AK8: variants seen among roughly 807,000 people sequenced by gnomAD.
The protein encoded by AK8 is ATP-AMP transphosphorylase 8.
Under a neutral mutation model 54.6 loss-of-function variants are expected in AK8, and 44 were observed. That is an observed-to-expected ratio of 0.81 (90% CI 0.63 to 1.04). The LOEUF is 1.04. Among genes scored for constraint, AK8 ranks in the 50% least tolerant of loss-of-function variants. The pLI, the probability that AK8 is intolerant of heterozygous loss-of-function variation, is 0.00. For synonymous variants in AK8, 239 were observed against 245.6 expected, an observed-to-expected ratio of 0.97 and a Z score of 0.25; for missense variants, 555 against 613.6, an observed-to-expected ratio of 0.90 and a Z score of 1.01.
At chr9:132,833,655 A>G (rs1466599031) in intron 5 of AK8, among the ~76,000 whole-genome samples, 1 of 152,146 alleles carries the variant, frequency 6.6e-6, no homozygotes, top group African/African-American at 2.4e-5. Context: ...GCAGAGCTGG[A>G]GGTCTGCACA....
chr9:132,730,837 G>A (rs1327859233), intron 11 of AK8, among the ~76,000 whole-genome samples: 1 of 152,228 alleles, frequency 6.6e-6, no homozygotes, highest in Admixed American at 6.5e-5. Context: ...ACATCATTAT[G>A]AATCTGAGCC....
At chr9:132,805,972 C>T (rs118027910) in intron 10 of AK8, among the ~76,000 whole-genome samples, 26 of 152,044 alleles carry the variant, frequency 1.7e-4, no homozygotes, top group Non-Finnish European at 2.4e-4. Context: ...AACCTCTAGG[C>T]CACCCTACAG....
intron 11 of AK8, among the ~76,000 whole-genome samples, chr9:132,782,543 G>A (rs1472978548): frequency 6.6e-6 from 1 of 152,110 alleles, no homozygotes; most frequent in African/African-American, 2.4e-5. Context: ...TACAAAATTA[G>A]CTGGGCATGG....
intron 10 of AK8, among the ~76,000 whole-genome samples, chr9:132,814,422 C>G: frequency 6.6e-6 from 1 of 152,092 alleles, no homozygotes. Flanking sequence ...GATAACCCCC[C>G]CACATCCACA....
At position 132,781,800 on chromosome 9, in the gene AK8, T is replaced by C. The variant is rs76383212; in HGVS notation, c.1121+10834A>G. Among the ~76,000 whole-genome samples the C allele has an allele frequency of 1.0e-2, 1,522 of 152,324 alleles. 30 individuals are homozygous for C. The highest frequency in any genetic ancestry group is 0.035 in the African/African-American group (1,439 of 41,562). On this transcript the variant is annotated intron_variant, in intron 11 of 12. Transcript: ENST00000298545. The surrounding 1 kb of genome is among the most constrained non-coding windows in gnomAD (Gnocchi z 4.6). ...ATTACAGTCCTGATAGTCATCCTGGTGCTAGGTGGATTCATTTTAGAATAT... is the reference window on the plus strand; with the variant it reads ...ATTACAGTCCTGATAGTCATCCTGGCGCTAGGTGGATTCATTTTAGAATAT...
intron 11 of AK8, among the ~76,000 whole-genome samples, chr9:132,774,674 G>A (rs181212030): frequency 2.6e-4 from 39 of 152,222 alleles, no homozygotes; most frequent in Non-Finnish European, 2.5e-4. Flanking sequence ...GTGAACGGTC[G>A]AGCATCGCGC....
At chr9:132,827,141 G>A in intron 7 of AK8, 87 bp from the exon 8 acceptor site, 1 of 1,388,430 alleles carries the variant, frequency 7.2e-7, no homozygotes, top group Non-Finnish European at 1.0e-6. Flanking sequence ...TTGCTGTCCT[G>A]GAGGCCAGGC....
At chr9:132,785,530 C>G (rs934066496) in intron 11 of AK8, among the ~76,000 whole-genome samples, 1 of 152,104 alleles carries the variant, frequency 6.6e-6, no homozygotes, top group East Asian at 1.9e-4. Context: ...TCTAAATTAA[C>G]GGAAGTGGGG....
Position 132,813,997 on chromosome 9 carries a change from G to A in AK8, c.979+641C>T, listed in dbSNP as rs1841197700. On this transcript the variant is annotated intron_variant, in intron 10 of 12. Transcript: ENST00000298545. ...ATACCAAATAATAAAGGATGTGGGG[G>A]CAGGAAGTGGTGGCTTACACCTGTA... 2.0e-5 allele frequency among the ~76,000 whole-genome samples: 3 copies of A among 151,868 alleles called. No homozygotes were observed. In the South Asian group the frequency reaches 6.2e-4, roughly 31 times the overall value.
chr9:132,824,676 C>T (rs1189332522), intron 8 of AK8, among the ~76,000 whole-genome samples: 2 of 152,184 alleles, frequency 1.3e-5, no homozygotes, highest in Admixed American at 6.5e-5. Context: ...GGCAAAACTG[C>T]CCCCGATTGT....
chr9:132,810,788 G>A (rs889978366), intron 10 of AK8, among the ~76,000 whole-genome samples: 17 of 152,116 alleles, frequency 1.1e-4, no homozygotes, highest in Admixed American at 3.9e-4. Flanking sequence ...CTAAAGGGCC[G>A]CGATGAGCCA....
In AK8 at chr9:132,777,579, A is replaced by G. The variant is rs1033912116; in HGVS notation, c.1121+15055T>C. Among the ~76,000 whole-genome samples, 10 of 152,192 alleles carry G rather than the reference A, an allele frequency of 6.6e-5. No homozygotes were observed. In the South Asian group the frequency reaches 1.9e-3, roughly 28 times the overall value. On this transcript the variant is annotated intron_variant, in intron 11 of 12. Transcript: ENST00000298545. The stretch of plus-strand genomic sequence containing the variant: ...GAGTATTTTCCAATTCATCATTCCC[A>G]CCCATACATATTTTCCCAGCAAATA...
chr9:132,764,003 A>G (rs1838606097), intron 11 of AK8, among the ~76,000 whole-genome samples: 1 of 152,238 alleles, frequency 6.6e-6, no homozygotes, highest in Non-Finnish European at 1.5e-5. Context: ...AAAATAAATA[A>G]TAAAGATCAG....
intron 11 of AK8, among the ~76,000 whole-genome samples, chr9:132,758,884 A>G (rs1053675407): frequency 5.3e-5 from 8 of 152,160 alleles, no homozygotes; most frequent in African/African-American, 1.4e-4. Context: ...TTCACACACC[A>G]TAAAATTCAC....
chr9:132,813,548 G>A (rs1355329570), intron 10 of AK8, among the ~76,000 whole-genome samples: 1 of 152,220 alleles, frequency 6.6e-6, no homozygotes, highest in African/African-American at 2.4e-5. Context: ...TTGATAAGTG[G>A]GTGTGCACTG....
intron 10 of AK8, among the ~76,000 whole-genome samples, chr9:132,813,859 G>C (rs1304381007): frequency 1.3e-5 from 2 of 152,240 alleles, no homozygotes; most frequent in Admixed American, 1.3e-4. Context: ...AAACAGGCGA[G>C]CATCTAACTG....
intron 11 of AK8, among the ~76,000 whole-genome samples, chr9:132,771,329 G>A (rs774194685): frequency 6.6e-6 from 1 of 152,214 alleles, no homozygotes; most frequent in Admixed American, 6.5e-5. Flanking sequence ...ATGGTGGTCA[G>A]GCTTACACTG....
chr9:132,808,978 G>C (rs1417330806), intron 10 of AK8, among the ~76,000 whole-genome samples: 1 of 152,226 alleles, frequency 6.6e-6, no homozygotes, highest in Non-Finnish European at 1.5e-5. Flanking sequence ...CTAGATGGTA[G>C]GGTGTTCTGG....
intron 1 of AK8, among the ~76,000 whole-genome samples, chr9:132,877,240 A>G (rs1431064032): frequency 7.2e-5 from 11 of 152,182 alleles, no homozygotes. Flanking sequence ...AGTTTTAGGA[A>G]TCTCTTGCTC....
Sources: gnomAD v4.1 joint callset for allele counts (sites outside exome capture counted in the v4.1 genomes callset) on GRCh38, gnomAD v4.1.1 for gene constraint, Gnocchi (gnomAD v3.1) non-coding constraint, MANE v1.5 for transcripts, NCBI Gene and HGNC (gene_info 2026-07-23, HGNC 2026-07-21) for gene names.